TBC1D4: variants seen among roughly 807,000 people sequenced by gnomAD.
TBC1D4 encodes the protein TBC (Tre-2, BUB2, CDC16) domain-containing protein.
A neutral mutation model predicts 142.5 loss-of-function variants in TBC1D4; 121 were observed. That is an observed-to-expected ratio of 0.85 (90% CI 0.73 to 0.99). TBC1D4 has a LOEUF of 0.99. Ranked by LOEUF, TBC1D4 falls within the 50% of genes least tolerant of loss-of-function variation. The pLI, the probability that TBC1D4 is intolerant of heterozygous loss-of-function variation, is 0.00. For synonymous variants in TBC1D4, 630 were observed against 628.2 expected (o/e 1.00, Z -0.04); for missense variants, 1,475 against 1,606.6 (o/e 0.92, Z 1.40).
intron 12 of TBC1D4, 92 bp downstream of exon 12, chr13:75,319,922 A>G: frequency 1.4e-6 from 2 of 1,389,260 alleles, no homozygotes; most frequent in East Asian, 5.0e-5. Context: ...CATTCAGGAG[A>G]CAAACAAAAC....
intron 1 of TBC1D4, among the ~76,000 whole-genome samples, chr13:75,476,294 T>C (rs552013469): frequency 6.6e-6 from 1 of 152,336 alleles, no homozygotes; most frequent in South Asian, 2.1e-4. Flanking sequence ...TCTATACACC[T>C]TATACACATA....
At chr13:75,351,822 C>T (rs1881629594) in intron 4 of TBC1D4, among the ~76,000 whole-genome samples, 1 of 152,028 alleles carries the variant, frequency 6.6e-6, no homozygotes, top group Non-Finnish European at 1.5e-5. Flanking sequence ...CGTTGTTGGA[C>T]ATTTAGGTTG....
intron 5 of TBC1D4, among the ~76,000 whole-genome samples, chr13:75,342,657 A>T (rs892268007): frequency 2.6e-5 from 4 of 152,074 alleles, no homozygotes; most frequent in South Asian, 4.1e-4. Flanking sequence ...ATTTTTTTTT[A>T]AAAAAGAAAG....
intron 2 of TBC1D4, among the ~76,000 whole-genome samples, chr13:75,360,325 A>G (rs1408604193): frequency 6.6e-6 from 1 of 152,258 alleles, no homozygotes; most frequent in Non-Finnish European, 1.5e-5. Flanking sequence ...AACTAAAAAA[A>G]GAACAAATCT....
chr13:75,300,465 A>G (rs1293583356), intron 16 of TBC1D4, among the ~76,000 whole-genome samples: 2 of 152,316 alleles, frequency 1.3e-5, no homozygotes, highest in Admixed American at 1.3e-4. Flanking sequence ...AGAACTTGCA[A>G]GAGTGCCAGG....
At position 75,286,798 on chromosome 13, in the gene TBC1D4, C is replaced by T. The variant is rs377328208; in HGVS notation, c.3891G>A (p.Lys1297=). 7.4e-6 allele frequency: 12 copies of T among 1,613,430 alleles called. No individual in the cohort carries two copies. Among genetic ancestry groups the T allele is most frequent in the Non-Finnish European group, 9.3e-6 (11 of 1,179,772 alleles). Reference sequence around the variant, plus strand: ...TGAGGCCGTGCCTCTTCAATTATGGCTTATTTCCTATCTTGGCTTTGTTGT... The same window carrying T: ...TGAGGCCGTGCCTCTTCAATTATGGTTTATTTCCTATCTTGGCTTTGTTGT... ...NPNNKAKIGN[K]P The change falls in exon 21 of 21, where the codon AAG becomes AAA. Residue 1297 remains lysine, a synonymous_variant. Transcript: ENST00000377636.
At chr13:75,401,205 C>A (rs753599256) in intron 1 of TBC1D4, among the ~76,000 whole-genome samples, 2 of 152,196 alleles carry the variant, frequency 1.3e-5, no homozygotes, top group Non-Finnish European at 2.9e-5. Flanking sequence ...CCCAGCTCTA[C>A]CCTCAAGCTT....
intron 1 of TBC1D4, among the ~76,000 whole-genome samples, chr13:75,427,794 G>A (rs1303561474): frequency 6.6e-6 from 1 of 152,162 alleles, no homozygotes; most frequent in Non-Finnish European, 1.5e-5. Context: ...TTTATTCACT[G>A]TTTAAGTGAA....
intron 1 of TBC1D4, among the ~76,000 whole-genome samples, chr13:75,433,567 T>C (rs143757214): frequency 6.9e-4 from 105 of 152,360 alleles, no homozygotes; most frequent in South Asian, 8.3e-4. Flanking sequence ...TAACCCATTA[T>C]ATAATTACCT....
chr13:75,325,922 T>G (rs910856627), intron 10 of TBC1D4, among the ~76,000 whole-genome samples: 1 of 152,216 alleles, frequency 6.6e-6, no homozygotes, highest in Non-Finnish European at 1.5e-5. Context: ...CAGCAGGTTT[T>G]CAGACAAAAC....
chr13:75,348,476 A>G (rs1881330827), intron 5 of TBC1D4, among the ~76,000 whole-genome samples: 2 of 152,212 alleles, frequency 1.3e-5, no homozygotes, highest in Non-Finnish European at 2.9e-5. Flanking sequence ...CCTGGTCCAG[A>G]GTAGACATTT....
intron 1 of TBC1D4, among the ~76,000 whole-genome samples, chr13:75,460,356 G>A (rs566130963): frequency 6.6e-6 from 1 of 152,232 alleles, no homozygotes; most frequent in South Asian, 2.1e-4. Flanking sequence ...TCTGGAGGAT[G>A]GGGATTGATA....
At chr13:75,335,163 C>T (rs1880090925) in intron 8 of TBC1D4, among the ~76,000 whole-genome samples, 1 of 152,112 alleles carries the variant, frequency 6.6e-6, no homozygotes, top group Non-Finnish European at 1.5e-5. Context: ...CAGTATGCTG[C>T]CTCCTACAAC....
intron 5 of TBC1D4, among the ~76,000 whole-genome samples, chr13:75,348,195 C>T (rs538022742): frequency 3.1e-4 from 47 of 152,294 alleles, no homozygotes; most frequent in African/African-American, 1.1e-3. Context: ...GTTGTGTAAA[C>T]ATTCAACGAA....
At chr13:75,349,344 A>T in intron 4 of TBC1D4, 42 bp from the exon 5 acceptor site, 1 of 1,611,634 alleles carries the variant, frequency 6.2e-7, no homozygotes, top group South Asian at 1.1e-5. Flanking sequence ...AAGTTGGCTT[A>T]CATGGCAACA....
chr13:75,404,087 C>CACACACACACACACACACACAT, intron 1 of TBC1D4, among the ~76,000 whole-genome samples: 1 of 151,696 alleles, frequency 6.6e-6, no homozygotes, highest in African/African-American at 2.4e-5. Flanking sequence ...CACACACACA[C>CACACACACACACACACACACAT]ATCTCCCCAG....
rs1267239445 is a variant in TBC1D4 at position 75,303,220 on chromosome 13, GGTAGGAGAATC to G, written c.2753-830_2753-820del. On this transcript the variant is annotated intron_variant, in intron 15 of 20. Transcript: ENST00000377636. ...TAATCTCAGCTACTCGCGAGGCTGAGGTAGGAGAATCGTTTGAACCTGGGGGACACAGGTTG... is the reference window on the plus strand; with the variant it reads ...TAATCTCAGCTACTCGCGAGGCTGAGGTTTGAACCTGGGGGACACAGGTTG... 1.3e-5 allele frequency among the ~76,000 whole-genome samples: 2 copies of G among 152,052 alleles called. 1 individual carries two copies. The highest frequency in any genetic ancestry group is 4.8e-5 in the African/African-American group (2 of 41,372).
At chr13:75,433,994 T>TA (rs1886690238) in intron 1 of TBC1D4, among the ~76,000 whole-genome samples, 1 of 152,128 alleles carries the variant, frequency 6.6e-6, no homozygotes. Context: ...TGGCTATTAC[T>TA]AAAAGTCAAA....
At chr13:75,458,970 C>A (rs1313423653) in intron 1 of TBC1D4, among the ~76,000 whole-genome samples, 1 of 152,086 alleles carries the variant, frequency 6.6e-6, no homozygotes, top group Non-Finnish European at 1.5e-5. Context: ...TTCTGCCATT[C>A]TTTTGCCTCA....
Sources: gnomAD v4.1 joint callset for allele counts (sites outside exome capture counted in the v4.1 genomes callset) on GRCh38, gnomAD v4.1.1 for gene constraint, MANE v1.5 for transcripts, NCBI Gene and HGNC (gene_info 2026-07-23, HGNC 2026-07-21) for gene names.